The following GNAO1 variants were observed in gnomAD, a reference collection of about 807,000 sequenced individuals.
GNAO1 encodes G protein subunit alpha o1, also known as guanine nucleotide-binding protein G(o) subunit alpha.
For missense variants in GNAO1, 166 were observed against 478.7 expected (o/e 0.35, Z 6.10); for synonymous variants, 164 against 180.7 (o/e 0.91, Z 0.74).
chr16:56,206,871 G>A (rs913258408), intron 2 of GNAO1, among the ~76,000 whole-genome samples: 12 of 152,328 alleles, frequency 7.9e-5, no homozygotes, highest in Admixed American at 2.6e-4. Flanking sequence ...AATTCAGCCT[G>A]TATTATTTGC....
In GNAO1 at chr16:56,191,950, G is replaced by A; in HGVS notation, c.-286G>A. On this transcript the variant is annotated 5_prime_UTR_variant, in exon 1 of 9. Transcript: ENST00000262493. This position sits in a 1 kb window ranked among gnomAD's most constrained non-coding sequence, Gnocchi z 4.7. ...CCTGCAGTCCGCGCCTCCTCGGCCC[G>A]CGGGCGCCTCCTCCCTTGGCTCCGG... is the stretch of plus-strand genomic sequence containing the variant. The A allele has an allele frequency of 2.1e-6, 1 of 477,710 alleles. No homozygotes were observed. Among genetic ancestry groups the A allele is most frequent in the South Asian group, 3.0e-5 (1 of 33,134 alleles). The allele number at this position is 477,710 out of a possible 1,614,324, so 29.6% of individuals were successfully genotyped here.
chr16:56,294,537 T>A (rs2037265474), intron 3 of GNAO1, among the ~76,000 whole-genome samples: 1 of 152,120 alleles, frequency 6.6e-6, no homozygotes, highest in African/African-American at 2.4e-5. Flanking sequence ...ATTTCACTTG[T>A]TTCCATTCTG....
At chr16:56,211,689 T>C (rs1172987142) in intron 2 of GNAO1, among the ~76,000 whole-genome samples, 2 of 152,170 alleles carry the variant, frequency 1.3e-5, no homozygotes, top group African/African-American at 2.4e-5. Flanking sequence ...GACTTGAAAA[T>C]GCGGTTGAGG....
intron 2 of GNAO1, among the ~76,000 whole-genome samples, chr16:56,262,606 T>G (rs1739721436): frequency 6.6e-6 from 1 of 152,168 alleles, no homozygotes; most frequent in South Asian, 2.1e-4. Flanking sequence ...TACTTGCGCA[T>G]TCTCCACAAA....
rs377434584 is a variant in GNAO1 at position 56,249,451 on chromosome 16, G to A, written c.162-26480G>A. 5.9e-5 allele frequency among the ~76,000 whole-genome samples: 9 copies of A among 152,226 alleles called. No homozygotes were observed. In the East Asian group the frequency reaches 1.6e-3, roughly 26 times the overall value. ...TTCCTGGCATTGACAGACAATCCAGGCATATCCACTGGGGAGGGGAGAGGA... is the reference window on the plus strand; with the variant it reads ...TTCCTGGCATTGACAGACAATCCAGACATATCCACTGGGGAGGGGAGAGGA... On this transcript the variant is annotated intron_variant, in intron 2 of 8. Coordinates refer to ENST00000262493, the MANE Select transcript of GNAO1 (RefSeq NM_020988.3).
chr16:56,258,222 T>G (rs1596825201), intron 2 of GNAO1, among the ~76,000 whole-genome samples: 1 of 152,238 alleles, frequency 6.6e-6, no homozygotes, highest in East Asian at 1.9e-4. Context: ...AGGTGGAGAT[T>G]ATGAGTGGGG....
chr16:56,334,995 TA>T, intron 5 of GNAO1, 138 bp downstream of exon 5: 1 of 813,620 alleles, frequency 1.2e-6, no homozygotes, highest in South Asian at 1.7e-5. Context: ...AGCTAGATAC[TA>T]GAAGGAACCT....
intron 3 of GNAO1, among the ~76,000 whole-genome samples, chr16:56,318,268 T>G (rs1166077341): frequency 6.6e-6 from 1 of 152,090 alleles, no homozygotes; most frequent in Non-Finnish European, 1.5e-5. Context: ...CAGGCCTGGG[T>G]GGGAGCGCTA....
At chr16:56,319,731 A>C (rs1435252459) in intron 3 of GNAO1, among the ~76,000 whole-genome samples, 1 of 152,194 alleles carries the variant, frequency 6.6e-6, no homozygotes, top group South Asian at 2.1e-4. Flanking sequence ...ACCACCTCCC[A>C]GGCATCCTGC....
intron 2 of GNAO1, among the ~76,000 whole-genome samples, chr16:56,216,801 A>C (rs1463847592): frequency 6.6e-6 from 1 of 152,246 alleles, no homozygotes; most frequent in Non-Finnish European, 1.5e-5. Flanking sequence ...CTCTGGAGGC[A>C]GACAGCCTGA....
At chr16:56,287,338 G>A (rs2037182921) in intron 3 of GNAO1, among the ~76,000 whole-genome samples, 1 of 152,248 alleles carries the variant, frequency 6.6e-6, no homozygotes, top group South Asian at 2.1e-4. Flanking sequence ...GCGGGCAGCA[G>A]GAGTCAGAGA....
chr16:56,348,256 G>A (rs2037891563), intron 6 of GNAO1: 3 of 924,266 alleles, frequency 3.2e-6, no homozygotes, highest in Non-Finnish European at 1.3e-6. Context: ...GCACTTGCAC[G>A]ATGTGTGTCC....
Position 56,235,732 on chromosome 16 carries a change from C to T in GNAO1, c.162-40199C>T, listed in dbSNP as rs117038814. Among the ~76,000 whole-genome samples, 266 of 152,306 alleles carry T rather than the reference C, an allele frequency of 1.7e-3. 2 individuals carry two copies. In the East Asian group the frequency reaches 0.023, roughly 13 times the overall value. On this transcript the variant is annotated intron_variant, in intron 2 of 8. Coordinates refer to ENST00000262493, the MANE Select transcript of GNAO1 (RefSeq NM_020988.3). Reference sequence around the variant, plus strand: ...CTTACTCTGCTGGGATCACCCAGCCCTGCCTGGGAGCTAAGAGAGTGGCCC... The same window carrying T: ...CTTACTCTGCTGGGATCACCCAGCCTTGCCTGGGAGCTAAGAGAGTGGCCC...
intron 3 of GNAO1, among the ~76,000 whole-genome samples, chr16:56,283,697 C>T (rs185194297): frequency 3.3e-5 from 5 of 152,156 alleles, no homozygotes; most frequent in African/African-American, 9.6e-5. Flanking sequence ...TTAGATCTGA[C>T]GAGGGCTGGA....
chr16:56,224,183 G>A (rs1370132174), intron 2 of GNAO1, among the ~76,000 whole-genome samples: 1 of 152,196 alleles, frequency 6.6e-6, no homozygotes, highest in Non-Finnish European at 1.5e-5. Flanking sequence ...TGTGGTCTAA[G>A]CCAAGCCAGA....
intron 2 of GNAO1, among the ~76,000 whole-genome samples, chr16:56,195,968 A>C (rs1168178057): frequency 3.3e-5 from 5 of 152,300 alleles, no homozygotes; most frequent in Admixed American, 3.3e-4. Context: ...TAACATCTTC[A>C]TCAGCCTAGG....
At chr16:56,323,956 G>A (rs572603027) in intron 3 of GNAO1, among the ~76,000 whole-genome samples, 36 of 152,254 alleles carry the variant, frequency 2.4e-4, no homozygotes, top group African/African-American at 7.5e-4. Context: ...GTGAAATCAA[G>A]CAGGTCTCCT....
intron 2 of GNAO1, among the ~76,000 whole-genome samples, chr16:56,206,990 C>A (rs1485040713): frequency 6.6e-6 from 1 of 152,234 alleles, no homozygotes; most frequent in Non-Finnish European, 1.5e-5. Context: ...GGATAGAAAC[C>A]ATCTGCTTCT....
intron 2 of GNAO1, among the ~76,000 whole-genome samples, chr16:56,221,025 C>G (rs60697359): frequency 0.012 from 1,810 of 152,220 alleles, 42 homozygotes; most frequent in African/African-American, 0.042. Flanking sequence ...GGATTACAGG[C>G]ATGAGCCACT....
Sources: gnomAD v4.1 joint callset for allele counts (sites outside exome capture counted in the v4.1 genomes callset) on GRCh38, gnomAD v4.1.1 for gene constraint, Gnocchi (gnomAD v3.1) non-coding constraint, MANE v1.5 for transcripts, NCBI Gene and HGNC (gene_info 2026-07-23, HGNC 2026-07-21) for gene names.